Variants in INSYN1 observed in about 807,000 individuals in gnomAD.
The protein encoded by INSYN1 is UPF0583 protein C15orf59.
In INSYN1, 7 loss-of-function variants were observed where a neutral mutation model predicts 17.1. That is an observed-to-expected ratio of 0.41 (90% CI 0.23 to 0.77). INSYN1 has a LOEUF of 0.77. INSYN1 is among the 30% of genes least tolerant of loss of function. The pLI, the probability that INSYN1 is intolerant of heterozygous loss-of-function variation, is 0.32. For missense variants in INSYN1, 339 were observed against 400.6 expected, an observed-to-expected ratio of 0.85 and a Z score of 1.31; for synonymous variants, 174 against 166.3, an observed-to-expected ratio of 1.05 and a Z score of -0.36.
At chr15:73,743,379 G>A (rs1596037576) in intron 2 of INSYN1, among the ~76,000 whole-genome samples, 1 of 152,224 alleles carries the variant, frequency 6.6e-6, no homozygotes, top group African/African-American at 2.4e-5. Context: ...GGAGGAAAGA[G>A]AAAGAGGGAG....
chr15:73,750,446 C>A (rs1901948230), intron 2 of INSYN1, among the ~76,000 whole-genome samples: 2 of 152,294 alleles, frequency 1.3e-5, no homozygotes, highest in South Asian at 4.1e-4. Flanking sequence ...TACCCCCGGA[C>A]AAAGAGGACA....
intron 2 of INSYN1, among the ~76,000 whole-genome samples, chr15:73,746,647 T>A (rs1416634353): frequency 6.6e-6 from 1 of 152,172 alleles, no homozygotes; most frequent in Non-Finnish European, 1.5e-5. Flanking sequence ...TGCCAACCCC[T>A]CCATCTTCCT....
chr15:73,748,520 G>A (rs1361297308), intron 2 of INSYN1, among the ~76,000 whole-genome samples: 2 of 152,146 alleles, frequency 1.3e-5, no homozygotes, highest in African/African-American at 4.8e-5. Flanking sequence ...ACAAGTGAGT[G>A]CCTCTCAACC....
rs1326605297 is a variant in INSYN1 at position 73,753,295 on chromosome 15, T to G, written c.-1753A>C. 1.3e-5 allele frequency among the ~76,000 whole-genome samples: 2 copies of G among 148,756 alleles called. No homozygotes were observed. The highest frequency in any genetic ancestry group is 2.0e-4 in the East Asian group (1 of 4,934). The stretch of plus-strand genomic sequence containing the variant: ...CCGCCCGGGCGGGCGCTGGCTCCCT[T>G]AAAGGCCGCCCGGCTCGCTTGGCTC... On this transcript the variant is annotated 5_prime_UTR_variant, in exon 1 of 3. Transcript: ENST00000569673. This position sits in a 1 kb window ranked among gnomAD's most constrained non-coding sequence, Gnocchi z 4.2.
chr15:73,740,142 A>T lies in INSYN1; in HGVS notation c.657T>A (p.Pro219=). The T allele has an allele frequency of 6.2e-7, 1 of 1,613,892 alleles. No individual in the cohort carries two copies. The highest frequency in any genetic ancestry group is 8.5e-7 in the Non-Finnish European group (1 of 1,179,898). Residue 219 remains proline (P), a synonymous_variant, in exon 3 of 3, where the codon CCT becomes CCA. Coordinates refer to ENST00000569673, the MANE Select transcript of INSYN1 (RefSeq NM_001039614.3). The part of the protein sequence containing the change: ...EVEEEEVGLP[P]EPAHTEAHAG... ...CATGGGCCTCTGTATGGGCAGGCTC[A>T]GGGGGCAAGCCCACTTCTTCCTCCT...
chr15:73,738,836 A>T lies in INSYN1; in HGVS notation c.*1081T>A, dbSNP rs1224728672. The T allele has an allele frequency of 6.6e-6, 1 of 152,266 alleles. No individual in the cohort carries two copies. The highest frequency in any genetic ancestry group is 1.9e-4 in the East Asian group (1 of 5,206). 9.4% of individuals were successfully genotyped at this position (152,266 alleles called of 1,614,324 possible). ...AGTAGCATAGAGACCTGCTCAATAA[A>T]TGTGAGCAATATAATTGTCATTATT... On this transcript the variant is annotated 3_prime_UTR_variant, in exon 3 of 3. Transcript: ENST00000569673.
chr15:73,743,725 G>A (rs1901745654), intron 2 of INSYN1, among the ~76,000 whole-genome samples: 1 of 150,138 alleles, frequency 6.7e-6, no homozygotes, highest in Non-Finnish European at 1.5e-5. Flanking sequence ...AGCTACTCGG[G>A]AGGCTGAGGC....
chr15:73,745,514 T>C (rs1901801940), intron 2 of INSYN1, among the ~76,000 whole-genome samples: 1 of 152,160 alleles, frequency 6.6e-6, no homozygotes, highest in South Asian at 2.1e-4. Flanking sequence ...ACTGCTACAA[T>C]TTTGCACCTA....
chr15:73,742,651 G>A (rs770682293), intron 2 of INSYN1, among the ~76,000 whole-genome samples: 3 of 152,092 alleles, frequency 2.0e-5, no homozygotes, highest in East Asian at 1.9e-4. Flanking sequence ...TTGGGCAGGC[G>A]GCAGGGATAG....
At chr15:73,749,173 G>T (rs961296628) in intron 2 of INSYN1, among the ~76,000 whole-genome samples, 4 of 152,150 alleles carry the variant, frequency 2.6e-5, no homozygotes, top group African/African-American at 9.7e-5. Context: ...ATCTCTGGAA[G>T]GCCCCTGTCA....
Position 73,751,202 on chromosome 15 carries a change from G to GC in INSYN1, c.-73dup, listed in dbSNP as rs1567038024. 2.6e-6 allele frequency: 4 copies of GC among 1,556,350 alleles called. No individual in the cohort carries two copies. The highest frequency in any genetic ancestry group is 1.4e-5 in the African/African-American group (1 of 73,644). On this transcript the variant is annotated 5_prime_UTR_variant, in exon 2 of 3. Transcript: ENST00000569673. The stretch of plus-strand genomic sequence containing the variant: ...CACACACTGCGTCTGCCTCCACGGA[G>GC]CCCCCCTCGGCTGGGCAGAGCTCCA...
At chr15:73,750,057 G>A (rs1215823508) in intron 2 of INSYN1, among the ~76,000 whole-genome samples, 2 of 152,186 alleles carry the variant, frequency 1.3e-5, no homozygotes, top group Non-Finnish European at 2.9e-5. Context: ...TGCCATCTCT[G>A]CAGGGGCCCT....
rs749423301 is a variant in INSYN1 at position 73,740,294 on chromosome 15, G to A, written c.505C>T (p.Pro169Ser). Reference sequence around the variant, plus strand: ...TGGGGCAGCTGGCTCTTCACCGTGGGGCCAGCACCAAAGGCCTCCTCACTG... The same window carrying A: ...TGGGGCAGCTGGCTCTTCACCGTGGAGCCAGCACCAAAGGCCTCCTCACTG... ...SSSEEAFGAG[P>S]TVKSQLPQRT... Residue 169 changes from proline to serine, a missense_variant, in exon 3 of 3, where the codon CCC becomes TCC. Transcript: ENST00000569673. 3 of 1,613,254 alleles carry A rather than the reference G, an allele frequency of 1.9e-6. No individual in the cohort carries two copies. Among genetic ancestry groups the A allele is most frequent in the Non-Finnish European group, 2.5e-6 (3 of 1,179,738 alleles).
Position 73,752,971 on chromosome 15 carries a change from G to A in INSYN1, c.-1429C>T, listed in dbSNP as rs1381456358. On this transcript the variant is annotated 5_prime_UTR_variant, in exon 1 of 3. Coordinates refer to ENST00000569673, the MANE Select transcript of INSYN1 (RefSeq NM_001039614.3). The surrounding 1 kb of genome is among the most constrained non-coding windows in gnomAD (Gnocchi z 5.2). ...AGGAGGCGCGGCGAGGGGAAGGGAG[G>A]GGAGGGGGCGAGCGGCGGGCCGGGC... is the stretch of plus-strand genomic sequence containing the variant. Among the ~76,000 whole-genome samples, 6 of 150,354 alleles carry A rather than the reference G, an allele frequency of 4.0e-5. No homozygotes were observed. The highest frequency in any genetic ancestry group is 1.5e-4 in the African/African-American group (6 of 41,144).
rs1156711804 is a variant in INSYN1, at chr15:73,751,284, C to G, written c.-154G>C. On this transcript the variant is annotated 5_prime_UTR_variant, in exon 2 of 3. Coordinates refer to ENST00000569673, the MANE Select transcript of INSYN1 (RefSeq NM_001039614.3). Reference sequence around the variant, plus strand: ...CTGGGCGGCCCTCAACCAGCCCCTGCCCCCTGCCACCCAGCCTCCTCTGCC... The same window carrying G: ...CTGGGCGGCCCTCAACCAGCCCCTGGCCCCTGCCACCCAGCCTCCTCTGCC... 1.3e-6 allele frequency: 1 copy of G among 756,968 alleles called. No homozygotes were observed. Among genetic ancestry groups the G allele is most frequent in the Non-Finnish European group, 2.1e-6 (1 of 471,752 alleles). The allele number at this position is 756,968 out of a possible 1,614,324, so 46.9% of individuals were successfully genotyped here. A position where few individuals can be genotyped will look rare whatever the true frequency, so the allele number is the denominator to read the frequency against.
intron 2 of INSYN1, among the ~76,000 whole-genome samples, chr15:73,742,712 T>C (rs1284450710): frequency 6.6e-6 from 1 of 152,166 alleles, no homozygotes; most frequent in Non-Finnish European, 1.5e-5. Flanking sequence ...CCCAGGATGA[T>C]GCCTTCCTGC....
In INSYN1 at chr15:73,751,237, G is replaced by A. The variant is rs138011647; in HGVS notation, c.-107C>T. On this transcript the variant is annotated 5_prime_UTR_variant, in exon 2 of 3. Transcript: ENST00000569673. ...GCTGGGCAGAGCTCCACATTTTAAC[G>A]GCCCCCCAGCCCACCCTGGCCCTGG... 7 of 1,379,288 alleles carry A rather than the reference G, an allele frequency of 5.1e-6. No homozygotes were observed. Among genetic ancestry groups the A allele is most frequent in the Middle Eastern group, 2.3e-4 (1 of 4,430 alleles). The allele number at this position is 1,379,288 out of a possible 1,614,324, so 85.4% of individuals were successfully genotyped here. A position where few individuals can be genotyped will look rare whatever the true frequency, so the allele number is the denominator to read the frequency against.
At chr15:73,748,417 C>T (rs1323517597) in intron 2 of INSYN1, among the ~76,000 whole-genome samples, 3 of 152,178 alleles carry the variant, frequency 2.0e-5, no homozygotes, top group Admixed American at 1.3e-4. Context: ...GTATGTGACT[C>T]TCATCTCCAC....
intron 2 of INSYN1, among the ~76,000 whole-genome samples, chr15:73,747,644 T>C (rs1274176286): frequency 6.6e-6 from 1 of 152,218 alleles, no homozygotes; most frequent in Non-Finnish European, 1.5e-5. Flanking sequence ...AAAGTAACTT[T>C]CGCAAGTTCA....
Sources: gnomAD v4.1 joint callset for allele counts (sites outside exome capture counted in the v4.1 genomes callset) on GRCh38, gnomAD v4.1.1 for gene constraint, Gnocchi (gnomAD v3.1) non-coding constraint, MANE v1.5 for transcripts, NCBI Gene and HGNC (gene_info 2026-07-23, HGNC 2026-07-21) for gene names.